CLIC5: variants seen among roughly 807,000 people sequenced by gnomAD.
CLIC5 encodes CLIC family member 5.
In CLIC5, 20 loss-of-function variants were observed where a neutral mutation model predicts 24.7. That is an observed-to-expected ratio of 0.81 (90% CI 0.57 to 1.18). The LOEUF is 1.18. CLIC5 is among the 50% of genes most tolerant of loss of function. The pLI, the probability that CLIC5 is intolerant of heterozygous loss-of-function variation, is 0.00. For missense variants in CLIC5, 341 were observed against 326.1 expected (o/e 1.05, Z -0.35); for synonymous variants, 159 against 135.6 (o/e 1.17, Z -1.20).
intron 4 of CLIC5, among the ~76,000 whole-genome samples, chr6:45,923,509 A>G (rs756312040): frequency 7.9e-5 from 12 of 152,190 alleles, no homozygotes; most frequent in Non-Finnish European, 1.6e-4. Flanking sequence ...TAATTACTGG[A>G]TTTGGTGATT....
chr6:45,966,300 G>A (rs1212606665), intron 1 of CLIC5, among the ~76,000 whole-genome samples: 11 of 151,364 alleles, frequency 7.3e-5, no homozygotes, highest in East Asian at 1.9e-4. Flanking sequence ...TTTAGAGCTC[G>A]AAAATTCCAC....
Position 45,966,583 on chromosome 6 carries a change from C to T in CLIC5, c.64-11339G>A, listed in dbSNP as rs148277467. Among the ~76,000 whole-genome samples, 112 of 152,290 alleles carry T rather than the reference C, an allele frequency of 7.4e-4. No homozygotes were observed. In the Middle Eastern group the frequency reaches 0.01, roughly 14 times the overall value. ...GACTTGCAGCATCAGAGTCTCTGGG[C>T]TCAGGAGATGTGTGACGGGCTGGAC... On this transcript the variant is annotated intron_variant, in intron 1 of 5. Coordinates refer to ENST00000339561, the MANE Select transcript of CLIC5 (RefSeq NM_016929.5).
At chr6:46,026,332 G>T (rs1197562492) in intron 1 of CLIC5, among the ~76,000 whole-genome samples, 1 of 152,152 alleles carries the variant, frequency 6.6e-6, no homozygotes, top group African/African-American at 2.4e-5. Flanking sequence ...CCTTATATAT[G>T]CATCGCTCTC....
intron 1 of CLIC5, among the ~76,000 whole-genome samples, chr6:46,023,700 G>T (rs1038254479): frequency 7.2e-5 from 11 of 152,168 alleles, no homozygotes; most frequent in African/African-American, 2.4e-4. Context: ...CAGAAGAAAA[G>T]TGATCTGAGG....
chr6:46,047,435 G>A (rs985954085), intron 1 of CLIC5, among the ~76,000 whole-genome samples: 4 of 152,136 alleles, frequency 2.6e-5, no homozygotes, highest in Non-Finnish European at 5.9e-5. Flanking sequence ...AGGATATGAA[G>A]ATTGAAATTT....
chr6:46,071,851 G>T (rs1381501167), intron 1 of CLIC5, among the ~76,000 whole-genome samples: 1 of 152,070 alleles, frequency 6.6e-6, no homozygotes, highest in South Asian at 2.1e-4. Context: ...GCCTATAAAT[G>T]GTAGACTGGA....
intron 4 of CLIC5, chr6:45,918,934 C>G: frequency 3.0e-6 from 3 of 985,044 alleles, no homozygotes; most frequent in Non-Finnish European, 3.6e-6. Context: ...CTTAGACTTA[C>G]CCAGGGCACA....
chr6:45,974,670 A>G (rs1765328453), intron 1 of CLIC5, among the ~76,000 whole-genome samples: 1 of 151,742 alleles, frequency 6.6e-6, no homozygotes. Context: ...GTGTGAAAGG[A>G]GAGTCTTCAT....
At chr6:46,082,537 C>T (rs371809865), upstream of CLIC5, among the ~76,000 whole-genome samples, 49 of 152,284 alleles carry the variant, frequency 3.2e-4, no homozygotes, top group South Asian at 9.1e-3. Flanking sequence ...CACCCCTTGC[C>T]GACCCAGCTC....
chr6:45,886,380 G>A (rs1762305860), intron 6 of CLIC5, among the ~76,000 whole-genome samples: 1 of 152,196 alleles, frequency 6.6e-6, no homozygotes, highest in South Asian at 2.1e-4. Context: ...CCCTGCACAA[G>A]TGCGGCAGGT....
intron 4 of CLIC5, among the ~76,000 whole-genome samples, chr6:45,922,811 GAGAGAGAGAGAA>G (rs1177138622): frequency 7.0e-6 from 1 of 143,646 alleles, no homozygotes; most frequent in Non-Finnish European, 1.5e-5. Context: ...GGGAGGAAGA[GAGAGAGAGAGAA>G]AGAGAGAGAG....
rs188741408 is a variant in CLIC5, at chr6:45,974,594, G to T, written c.64-19350C>A. On this transcript the variant is annotated intron_variant, in intron 1 of 5. Transcript: ENST00000339561. ...AGAGAGAGAGAGGGCATGCCATAGA[G>T]AGGAGTTGAGGGCAGGACCTGATAC... is the stretch of plus-strand genomic sequence containing the variant. Among the ~76,000 whole-genome samples, 1,206 of 149,056 alleles carry T rather than the reference G, an allele frequency of 8.1e-3. 7 individuals are homozygous for T. The highest frequency in any genetic ancestry group is 0.014 in the Middle Eastern group (4 of 288).
At chr6:46,060,799 C>T (rs1305983919) in intron 1 of CLIC5, among the ~76,000 whole-genome samples, 1 of 152,170 alleles carries the variant, frequency 6.6e-6, no homozygotes, top group Non-Finnish European at 1.5e-5. Flanking sequence ...TCCATCTCTG[C>T]GTGCCTTCAG....
At chr6:46,001,469 C>G (rs917854576) in intron 1 of CLIC5, among the ~76,000 whole-genome samples, 23 of 152,266 alleles carry the variant, frequency 1.5e-4, no homozygotes, top group African/African-American at 5.1e-4. Flanking sequence ...CTTCCTGATA[C>G]CAGGTCCCTT....
intron 4 of CLIC5, chr6:45,919,081 A>T: frequency 1.0e-6 from 1 of 985,446 alleles, no homozygotes; most frequent in Non-Finnish European, 1.2e-6. Context: ...GGGTGGTGGA[A>T]AAACAACAAC....
rs141186462 is a variant in CLIC5 at position 45,909,318 on chromosome 6, G to A, written c.588+4910C>T. On this transcript the variant is annotated intron_variant, in intron 5 of 5. Coordinates refer to ENST00000339561, the MANE Select transcript of CLIC5 (RefSeq NM_016929.5). ...TGATATGTGAGGTTTTGATCTTTTC[G>A]TGAAGCTGTTAGCTGGTTACTTTGT... is the stretch of plus-strand genomic sequence containing the variant. 2.8e-3 allele frequency among the ~76,000 whole-genome samples: 424 copies of A among 152,160 alleles called. 1 individual carries two copies. Among genetic ancestry groups the A allele is most frequent in the African/African-American group, 9.4e-3 (391 of 41,518 alleles).
At chr6:45,965,340 T>C (rs1485554522) in intron 1 of CLIC5, among the ~76,000 whole-genome samples, 2 of 152,200 alleles carry the variant, frequency 1.3e-5, no homozygotes, top group African/African-American at 2.4e-5. Context: ...CCAAACACCT[T>C]TTTCAAGTAG....
chr6:46,071,319 T>C (rs764645758), intron 1 of CLIC5, among the ~76,000 whole-genome samples: 3 of 152,138 alleles, frequency 2.0e-5, no homozygotes, highest in Non-Finnish European at 4.4e-5. Flanking sequence ...TTGCAAGCTA[T>C]GTATCTGACA....
At chr6:46,016,122 G>GGGAAGGGGAAGA (rs2127446826), upstream of CLIC5, among the ~76,000 whole-genome samples, 6 of 144,526 alleles carry the variant, frequency 4.2e-5, no homozygotes, top group South Asian at 1.4e-3. Flanking sequence ...AAGGGGAAAG[G>GGGAAGGGGAAGA]GGAAGGGGAA....
Sources: allele counts gnomAD v4.1 joint callset (sites outside exome capture counted in the v4.1 genomes callset), GRCh38; gene constraint gnomAD v4.1.1; transcripts MANE v1.5; gene names NCBI Gene and HGNC (gene_info 2026-07-23, HGNC 2026-07-21).